Variants in CCDC7 observed in about 807,000 individuals in gnomAD.
CCDC7 encodes coiled-coil domain-containing protein 7.
In CCDC7, 183 loss-of-function variants were observed where a neutral mutation model predicts 196.9. That is an observed-to-expected ratio of 0.93 (90% confidence interval 0.82 to 1.05). The LOEUF (loss-of-function observed/expected upper bound fraction) is 1.05. CCDC7 is among the 50% of genes least tolerant of loss of function. CCDC7 has a pLI of 0.00. For missense variants in CCDC7, 1,540 were observed against 1,482.2 expected, an observed-to-expected ratio of 1.04 and a Z score of -0.64; for synonymous variants, 525 against 484.6, an observed-to-expected ratio of 1.08 and a Z score of -1.10.
intron 14 of CCDC7, among the ~76,000 whole-genome samples, chr10:32,566,742 T>C (rs2056852276): frequency 1.3e-5 from 2 of 151,388 alleles, no homozygotes; most frequent in African/African-American, 4.9e-5. Context: ...TGAAACCCTG[T>C]CTCTATTAAA....
At chr10:32,611,826 T>C (rs2062175781) in intron 18 of CCDC7, among the ~76,000 whole-genome samples, 1 of 152,212 alleles carries the variant, frequency 6.6e-6, no homozygotes, top group Non-Finnish European at 1.5e-5. Context: ...ACTGTAGCCT[T>C]GTAGTATAAT....
chr10:32,762,159 T>C (rs1371691489), intron 28 of CCDC7, among the ~76,000 whole-genome samples: 1 of 151,956 alleles, frequency 6.6e-6, no homozygotes, highest in Non-Finnish European at 1.5e-5. Context: ...CCACATATAG[T>C]GTTCCGCAAC....
intron 9 of CCDC7, among the ~76,000 whole-genome samples, chr10:32,494,309 C>T (rs976436084): frequency 6.6e-6 from 1 of 151,634 alleles, no homozygotes; most frequent in African/African-American, 2.4e-5. Context: ...TGTTTTTGGA[C>T]ATTTGTCAAA....
chr10:32,670,653 G>C (rs2073880368), intron 21 of CCDC7, among the ~76,000 whole-genome samples: 1 of 149,500 alleles, frequency 6.7e-6, no homozygotes, highest in Non-Finnish European at 1.5e-5. Flanking sequence ...CTGGTTTTTT[G>C]TTCTTGCGAT....
chr10:32,734,308 G>A (rs1308932854), intron 28 of CCDC7, among the ~76,000 whole-genome samples: 4 of 152,136 alleles, frequency 2.6e-5, no homozygotes, highest in African/African-American at 9.7e-5. Context: ...GGATGGAGCT[G>A]GAGGCCATTA....
At chr10:32,761,032 A>G (rs975327505) in intron 28 of CCDC7, among the ~76,000 whole-genome samples, 5 of 152,052 alleles carry the variant, frequency 3.3e-5, no homozygotes, top group African/African-American at 1.2e-4. Flanking sequence ...TAACGTATGA[A>G]TTCAGAAATG....
At chr10:32,871,211 C>T (rs1271834670) in intron 41 of CCDC7, among the ~76,000 whole-genome samples, 2 of 152,122 alleles carry the variant, frequency 1.3e-5, no homozygotes, top group East Asian at 1.9e-4. Context: ...TAGAATTCGG[C>T]TGTGAATCCA....
chr10:32,445,470 T>C (rs1203442445), upstream of CCDC7, among the ~76,000 whole-genome samples: 1 of 152,240 alleles, frequency 6.6e-6, no homozygotes, highest in Non-Finnish European at 1.5e-5. Flanking sequence ...CCATCTTTCC[T>C]ATTCCTTTCA....
At chr10:32,785,041 G>A (rs2081624176) in intron 29 of CCDC7, among the ~76,000 whole-genome samples, 1 of 152,102 alleles carries the variant, frequency 6.6e-6, no homozygotes, top group Non-Finnish European at 1.5e-5. Context: ...TTTTCAAAAT[G>A]TATGAAGAAC....
chr10:32,504,115 G>GTTTTT lies in CCDC7; in HGVS notation c.872+12134_872+12138dup, dbSNP rs748760643. ...TTCTAGTCTCTATTATTTATTGCTG[G>GTTTTT]TTTTTTTTTTTTTTTTTTTTGAGAT... On this transcript the variant is annotated intron_variant, in intron 9 of 41. Transcript: ENST00000639629. Among the ~76,000 whole-genome samples the GTTTTT allele has an allele frequency of 4.6e-4, 44 of 96,300 alleles. 1 individual carries two copies. Among genetic ancestry groups the GTTTTT allele is most frequent in the Non-Finnish European group, 5.8e-4 (30 of 51,562 alleles). The allele number at this position is 96,300 out of a possible 152,430, so 63.2% of individuals were successfully genotyped here.
intron 18 of CCDC7, among the ~76,000 whole-genome samples, chr10:32,627,385 A>G (rs370873238): frequency 6.6e-6 from 1 of 152,046 alleles, no homozygotes; most frequent in African/African-American, 2.4e-5. Flanking sequence ...GTATTGCGCA[A>G]CTTTATAGAA....
intron 18 of CCDC7, among the ~76,000 whole-genome samples, chr10:32,627,168 G>T (rs904917508): frequency 9.2e-5 from 14 of 151,502 alleles, no homozygotes; most frequent in Admixed American, 8.6e-4. Flanking sequence ...AAAATCATGG[G>T]ATATCTTTCC....
chr10:32,701,421 G>T (rs1300849370), intron 24 of CCDC7, among the ~76,000 whole-genome samples: 1 of 152,168 alleles, frequency 6.6e-6, no homozygotes, highest in Non-Finnish European at 1.5e-5. Flanking sequence ...CAGTTTGCCA[G>T]TATTTTATTG....
intron 24 of CCDC7, 52 bp downstream of exon 25, chr10:32,695,044 G>A (rs1046370066): frequency 2.0e-6 from 2 of 985,118 alleles, no homozygotes; most frequent in Non-Finnish European, 1.5e-6. Flanking sequence ...AATCTCATTA[G>A]ATCATTTTTC....
chr10:32,624,210 C>G (rs1478849268), intron 18 of CCDC7, among the ~76,000 whole-genome samples: 3 of 152,172 alleles, frequency 2.0e-5, no homozygotes, highest in African/African-American at 7.2e-5. Context: ...TTAGTTTATT[C>G]CATTATCTTT....
At chr10:32,869,331 A>G (rs2094335299) in intron 41 of CCDC7, among the ~76,000 whole-genome samples, 1 of 151,980 alleles carries the variant, frequency 6.6e-6, no homozygotes, top group Admixed American at 6.6e-5. Context: ...GATAATGAGC[A>G]TTTTTTCATG....
intron 28 of CCDC7, among the ~76,000 whole-genome samples, chr10:32,739,464 A>G (rs1398930238): frequency 6.6e-6 from 1 of 151,884 alleles, no homozygotes; most frequent in Admixed American, 6.6e-5. Flanking sequence ...TATTTCTAAC[A>G]TTTCCTTTTT....
intron 18 of CCDC7, among the ~76,000 whole-genome samples, chr10:32,598,502 G>C (rs1358257232): frequency 6.6e-6 from 1 of 152,154 alleles, no homozygotes; most frequent in African/African-American, 2.4e-5. Context: ...CCACGTGTCT[G>C]GGAAGCCCCA....
chr10:32,718,409 C>G (rs978029396), intron 25 of CCDC7, among the ~76,000 whole-genome samples: 17 of 152,144 alleles, frequency 1.1e-4, no homozygotes, highest in Admixed American at 3.3e-4. Flanking sequence ...AACCTACAGC[C>G]AATATCATAC....
Sources: gnomAD v4.1 joint callset for allele counts (sites outside exome capture counted in the v4.1 genomes callset) on GRCh38, gnomAD v4.1.1 for gene constraint, MANE v1.5 for transcripts, NCBI Gene and HGNC (gene_info 2026-07-23, HGNC 2026-07-21) for gene names.